The following A2ML1 variants were observed in gnomAD, a reference collection of about 807,000 sequenced individuals.
A2ML1 encodes the protein alpha-2-macroglobulin like 1, also known as alpha-2-macroglobulin-like protein 1.
A2ML1 carries 161 observed loss-of-function variants against 181.9 expected under a neutral mutation model. The ratio of observed to expected loss-of-function variants is 0.89; its 90% CI spans 0.78 to 1.01. The LOEUF (loss-of-function observed/expected upper bound fraction) is 1.01. A2ML1 is among the 50% of genes least tolerant of loss of function. The probability of loss-of-function intolerance (pLI) is 0.00; values close to 1 mark genes in which losing one functional copy is unlikely to be tolerated. For missense variants in A2ML1, 1,670 were observed against 1,768.1 expected (o/e 0.94, Z 1.00); for synonymous variants, 663 against 666.8 (o/e 0.99, Z 0.09).
At chr12:8,836,544 C>G (rs937313440) in intron 7 of A2ML1, among the ~76,000 whole-genome samples, 1 of 148,770 alleles carries the variant, frequency 6.7e-6, no homozygotes, top group African/African-American at 2.5e-5. Flanking sequence ...AGTGCAATCA[C>G]GTGATCTCGG....
chr12:8,854,674 G>A (rs1944000588), intron 21 of A2ML1, 106 bp from the exon 22 acceptor site: 1 of 1,237,482 alleles, frequency 8.1e-7, no homozygotes, highest in Non-Finnish European at 1.2e-6. Context: ...GCAGTTCTGA[G>A]GGAAGCCCTG....
downstream of A2ML1, among the ~76,000 whole-genome samples, chr12:8,877,046 T>A (rs1476923282): frequency 6.6e-6 from 1 of 152,142 alleles, no homozygotes; most frequent in Non-Finnish European, 1.5e-5. Flanking sequence ...CGTTTCCATC[T>A]CTCTCGGTTT....
intron 14 of A2ML1, among the ~76,000 whole-genome samples, chr12:8,847,306 T>C (rs1363060538): frequency 6.6e-6 from 1 of 150,500 alleles, no homozygotes; most frequent in Non-Finnish European, 1.5e-5. Context: ...TTATTCCACA[T>C]GTTCTCTCTA....
chr12:8,875,999 T>C (rs1944790265), intron 35 of A2ML1, 59 bp from the exon 36 acceptor site: 1 of 152,220 alleles, frequency 6.6e-6, no homozygotes, highest in Non-Finnish European at 1.5e-5. Context: ...TCTATGTATG[T>C]AATGAGCTTC....
At chr12:8,872,793 AAAAAAG>A (rs566628662) in intron 33 of A2ML1, among the ~76,000 whole-genome samples, 3 of 150,382 alleles carry the variant, frequency 2.0e-5, no homozygotes, top group Admixed American at 1.3e-4. Flanking sequence ...CAAAAAAAAA[AAAAAAG>A]AAAAAGAAAA....
chr12:8,869,366 C>T (rs1467944477), intron 33 of A2ML1, among the ~76,000 whole-genome samples, 163 bp downstream of exon 33: 1 of 152,142 alleles, frequency 6.6e-6, no homozygotes, highest in African/African-American at 2.4e-5. Context: ...TACCGTAAAA[C>T]ACCCCATTGT....
chr12:8,875,935 C>G (rs1427153160), intron 35 of A2ML1, 123 bp from the exon 36 acceptor site: 1 of 152,112 alleles, frequency 6.6e-6, no homozygotes, highest in African/African-American at 2.4e-5. Context: ...TATTAATAAT[C>G]CAACTGTGCA....
chr12:8,875,526 C>A (rs1944773788), intron 35 of A2ML1: 1 of 152,214 alleles, frequency 6.6e-6, no homozygotes, highest in Non-Finnish European at 1.5e-5. Context: ...GCCTCTGCCT[C>A]CCAAGTTCAA....
Position 8,875,155 on chromosome 12 carries a change from G to A in A2ML1, c.*1+143G>A, listed in dbSNP as rs374238690. ...AGGCTGGAGGGCAGTGGCGGAGGTT[G>A]AGTGGCTCACTTCCCAGCTTCAAGC... On this transcript the variant is annotated intron_variant, in intron 35 of 35. Coordinates refer to ENST00000299698, the MANE Select transcript of A2ML1 (RefSeq NM_144670.6). The A allele has an allele frequency of 1.4e-4, 112 of 818,428 alleles. No individual in the cohort carries two copies. In the Middle Eastern group the frequency reaches 2.8e-3, roughly 20 times the overall value. 50.7% of individuals were successfully genotyped at this position (818,428 alleles called of 1,614,324 possible).
intron 33 of A2ML1, among the ~76,000 whole-genome samples, chr12:8,871,691 TTAGA>T: frequency 6.6e-6 from 1 of 152,280 alleles, no homozygotes; most frequent in Non-Finnish European, 1.5e-5. Flanking sequence ...GACTACATAA[TTAGA>T]TATATATGTT....
chr12:8,850,187 A>G lies in A2ML1; in HGVS notation c.2147A>G (p.Glu716Gly), dbSNP rs770357451. 27 of 1,612,118 alleles carry G rather than the reference A, an allele frequency of 1.7e-5. No individual in the cohort carries two copies. In the Admixed American group the frequency reaches 4.0e-4, roughly 24 times the overall value. The change falls in exon 18 of 36, where the codon GAG becomes GGG. Residue 716 changes from glutamate to glycine, a missense_variant. Glu to Gly is a moderately conservative substitution (Grantham distance 98). Transcript: ENST00000299698. The part of the protein sequence containing the change: ...GAGGGHPEAF[E>G]SSTPLHQAED... ...GGCGGTGGTCATCCAGAGGCTTTTG[A>G]GTCATCAACTCCTTTACATCAAGCA...
At chr12:8,859,681 C>T (rs1297945722) in intron 26 of A2ML1, among the ~76,000 whole-genome samples, 1 of 152,042 alleles carries the variant, frequency 6.6e-6, no homozygotes, top group Non-Finnish European at 1.5e-5. Context: ...CAAGTGATCT[C>T]AGCCTCCTGA....
intron 3 of A2ML1, among the ~76,000 whole-genome samples, 198 bp downstream of exon 3, chr12:8,824,080 A>G (rs902965758): frequency 2.6e-5 from 4 of 152,138 alleles, no homozygotes; most frequent in Admixed American, 1.3e-4. Flanking sequence ...GGGGGTTGCT[A>G]CTGAGTTTGT....
At chr12:8,832,974 C>A (rs1388145754) in intron 4 of A2ML1, among the ~76,000 whole-genome samples, 1 of 54,014 alleles carries the variant, frequency 1.9e-5, no homozygotes, top group Non-Finnish European at 3.7e-5. Flanking sequence ...GGAAATGCTA[C>A]TTTCCTTTTT....
intron 33 of A2ML1, among the ~76,000 whole-genome samples, chr12:8,872,783 C>CAAAAAA (rs570693086): frequency 5.8e-5 from 4 of 68,506 alleles, no homozygotes; most frequent in African/African-American, 4.7e-5. Context: ...GACTCCATCT[C>CAAAAAA]AAAAAAAAAA....
intron 29 of A2ML1, among the ~76,000 whole-genome samples, chr12:8,867,473 C>A (rs1944458477): frequency 6.6e-6 from 1 of 152,128 alleles, no homozygotes; most frequent in Admixed American, 6.5e-5. Context: ...CATGGAGAAA[C>A]CCCTTCTCTA....
intron 3 of A2ML1, among the ~76,000 whole-genome samples, chr12:8,827,305 C>T (rs1314201696): frequency 6.6e-6 from 1 of 152,184 alleles, no homozygotes; most frequent in Non-Finnish European, 1.5e-5. Flanking sequence ...CATTACTGCA[C>T]TCCAGCCTGG....
In A2ML1 at chr12:8,851,965, T is replaced by G. The variant is rs886043044; in HGVS notation, c.2416T>G (p.Phe806Val). ...LPYSVVRGES[F>V]RLTATIFNYL... ...TTACTCAGTAGTCCGTGGGGAATCC[T>G]TTCGTCTTACTGCCACCATCTTCAA... Residue 806 changes from phenylalanine (F) to valine (V), a missense_variant, in exon 19 of 36, where the codon TTT (phenylalanine) becomes GTT (valine). Transcript: ENST00000299698. 3 of 1,614,178 alleles carry G rather than the reference T, an allele frequency of 1.9e-6. No individual in the cohort carries two copies. The highest frequency in any genetic ancestry group is 2.5e-6 in the Non-Finnish European group (3 of 1,180,032).
chr12:8,826,134 G>T (rs766308190), intron 3 of A2ML1, among the ~76,000 whole-genome samples: 4 of 152,144 alleles, frequency 2.6e-5, no homozygotes, highest in Non-Finnish European at 5.9e-5. Flanking sequence ...GATTTAGGAT[G>T]TAGAATTTCT....
Sources: gnomAD v4.1 joint callset for allele counts (sites outside exome capture counted in the v4.1 genomes callset) on GRCh38, gnomAD v4.1.1 for gene constraint, MANE v1.5 for transcripts, NCBI Gene and HGNC (gene_info 2026-07-23, HGNC 2026-07-21) for gene names.